VWA2: variants seen among roughly 807,000 people sequenced by gnomAD.
VWA2 encodes the protein von Willebrand factor A domain containing 2.
VWA2 carries 73 observed loss-of-function variants against 70.4 expected under a neutral mutation model. The ratio of observed to expected loss-of-function variants is 1.04; its 90% CI spans 0.86 to 1.26. The LOEUF (loss-of-function observed/expected upper bound fraction) is 1.26, where lower values mean the gene tolerates loss of function less well. VWA2 is among the 50% of genes most tolerant of loss of function. The pLI, the probability that VWA2 is intolerant of heterozygous loss-of-function variation, is 0.00. For synonymous variants in VWA2, 407 were observed against 423.3 expected (o/e 0.96, Z 0.47); for missense variants, 1,011 against 998.5 (o/e 1.01, Z -0.17).
rs2036935183 is a variant in VWA2, at chr10:114,239,467, G to A, written c.-113G>A. Reference sequence around the variant, plus strand: ...TGTCCCACGTGGCAGCCGCGCCCCGGGCGCCCCTCCTGTGATCCCGTAGCG... The same window carrying A: ...TGTCCCACGTGGCAGCCGCGCCCCGAGCGCCCCTCCTGTGATCCCGTAGCG... On this transcript the variant is annotated 5_prime_UTR_variant, in exon 1 of 14. Coordinates refer to ENST00000392982, the MANE Select transcript of VWA2 (RefSeq NM_001272046.2). 6.6e-6 allele frequency: 1 copy of A among 152,294 alleles called. No homozygotes were observed. The highest frequency in any genetic ancestry group is 1.5e-5 in the Non-Finnish European group (1 of 68,114). The allele number at this position is 152,294 out of a possible 1,614,324, so 9.4% of individuals were successfully genotyped here.
intron 1 of VWA2, among the ~76,000 whole-genome samples, chr10:114,241,027 A>C (rs2036966313): frequency 6.6e-6 from 1 of 152,210 alleles, no homozygotes; most frequent in African/African-American, 2.4e-5. Context: ...TCCGAATCAT[A>C]GTCAGAAGCC....
At chr10:114,277,480 C>T (rs7075077) in intron 6 of VWA2, among the ~76,000 whole-genome samples, 7 of 152,130 alleles carry the variant, frequency 4.6e-5, no homozygotes, top group Admixed American at 2.0e-4. Context: ...CCACACCCCC[C>T]CTCCGACTGT....
intron 5 of VWA2, among the ~76,000 whole-genome samples, chr10:114,271,532 T>C (rs1015020305): frequency 6.6e-6 from 1 of 151,652 alleles, no homozygotes; most frequent in Non-Finnish European, 1.5e-5. Context: ...GATTCCTGAG[T>C]AGCTGCTTGG....
intron 8 of VWA2, among the ~76,000 whole-genome samples, chr10:114,279,402 G>A (rs764791909): frequency 1.3e-5 from 2 of 149,394 alleles, no homozygotes; most frequent in Non-Finnish European, 3.0e-5. Flanking sequence ...ACCTCTGTCC[G>A]GAGACTGGTG....
Position 114,294,410 on chromosome 10 carries a change from C to T in VWA2, c.*3173C>T, listed in dbSNP as rs895909400. Among the ~76,000 whole-genome samples, 2 of 152,034 alleles carry T rather than the reference C, an allele frequency of 1.3e-5. No homozygotes were observed. The highest frequency in any genetic ancestry group is 1.3e-4 in the Admixed American group (2 of 15,264). On this transcript the variant is annotated 3_prime_UTR_variant, in exon 14 of 14. Transcript: ENST00000392982. ...ATTTCAGTTCTGCTATTTCATATTG[C>T]CTTAGGTTGTCTATTTGTCTCTTTA...
chr10:114,246,648 C>T (rs1367601159), intron 1 of VWA2: 1 of 1,549,486 alleles, frequency 6.5e-7, no homozygotes, highest in East Asian at 2.2e-5. Flanking sequence ...TTGAACACCC[C>T]TGGATCACAG....
chr10:114,280,345 C>A (rs1445596723), intron 8 of VWA2, among the ~76,000 whole-genome samples: 1 of 152,044 alleles, frequency 6.6e-6, no homozygotes, highest in Non-Finnish European at 1.5e-5. Flanking sequence ...TAATGGGAGG[C>A]AGTCATTCCA....
At chr10:114,240,910 G>C (rs3851557) in intron 1 of VWA2, among the ~76,000 whole-genome samples, 11,650 of 152,214 alleles carry the variant, frequency 0.077, 452 homozygotes, top group Non-Finnish European at 0.079. Flanking sequence ...CATCATCTCT[G>C]GCTGAAAACC....
chr10:114,242,268 A>G (rs896208305), intron 1 of VWA2, among the ~76,000 whole-genome samples: 8 of 152,148 alleles, frequency 5.3e-5, no homozygotes, highest in Non-Finnish European at 4.4e-5. Context: ...CAACCTTTCC[A>G]GGGAAATAGG....
At chr10:114,283,382 C>T (rs577240605) in intron 9 of VWA2, among the ~76,000 whole-genome samples, 7 of 152,070 alleles carry the variant, frequency 4.6e-5, no homozygotes, top group Admixed American at 2.6e-4. Flanking sequence ...GGCAGGGTAG[C>T]GAGCAGTTAG....
intron 5 of VWA2, among the ~76,000 whole-genome samples, chr10:114,271,758 G>A (rs1277906537): frequency 6.6e-6 from 1 of 152,204 alleles, no homozygotes; most frequent in East Asian, 1.9e-4. Flanking sequence ...TACAATCTGA[G>A]TGTAAATGTG....
chr10:114,291,101 T>G, intron 13 of VWA2, 117 bp from the exon 14 acceptor site: 1 of 1,211,892 alleles, frequency 8.3e-7, no homozygotes, highest in Non-Finnish European at 1.2e-6. Flanking sequence ...CATCTTCTGC[T>G]GGGGGCGAGG....
At chr10:114,242,485 A>C (rs1386783821) in intron 1 of VWA2, among the ~76,000 whole-genome samples, 1 of 151,382 alleles carries the variant, frequency 6.6e-6, no homozygotes, top group Non-Finnish European at 1.5e-5. Flanking sequence ...GTGCCTCTGC[A>C]TACCGCAGTG....
intron 1 of VWA2, 51 bp from the exon 2 acceptor site, chr10:114,248,653 G>A (rs780969275): frequency 5.4e-5 from 82 of 1,522,362 alleles, no homozygotes; most frequent in African/African-American, 3.6e-4. Context: ...GACTTGGGGC[G>A]TTCACAGAAC....
chr10:114,284,819 T>C, intron 9 of VWA2, 44 bp from the exon 10 acceptor site: 1 of 1,550,824 alleles, frequency 6.4e-7, no homozygotes, highest in Non-Finnish European at 8.7e-7. Flanking sequence ...TCTCCACTCC[T>C]CTGTGCTGCG....
intron 12 of VWA2, chr10:114,289,838 G>A (rs2039379801): frequency 2.7e-6 from 1 of 371,800 alleles, no homozygotes; most frequent in South Asian, 2.9e-5. Context: ...AGAGCCCAGA[G>A]CAAACAGGGC....
chr10:114,291,437 C>T lies in VWA2; in HGVS notation c.*200C>T. ...CAACTGCAGCCATGCTGCTTAGAGA[C>T]AAGAAAGCAGCTGATGTCACCCACA... On this transcript the variant is annotated 3_prime_UTR_variant, in exon 14 of 14. Transcript: ENST00000392982. 1.6e-6 allele frequency: 1 copy of T among 611,306 alleles called. No individual in the cohort carries two copies. Among genetic ancestry groups the T allele is most frequent in the South Asian group, 2.2e-5 (1 of 45,050 alleles). 37.9% of individuals were successfully genotyped at this position (611,306 alleles called of 1,614,324 possible). A position where few individuals can be genotyped will look rare whatever the true frequency, so the allele number is the denominator to read the frequency against.
chr10:114,249,511 C>T (rs181683091), intron 2 of VWA2, among the ~76,000 whole-genome samples: 1 of 152,158 alleles, frequency 6.6e-6, no homozygotes, highest in African/African-American at 2.4e-5. Flanking sequence ...CCGTCTTGGC[C>T]TCCCAAAGTG....
chr10:114,284,637 T>C (rs1352988681), intron 9 of VWA2, among the ~76,000 whole-genome samples: 2 of 152,210 alleles, frequency 1.3e-5, no homozygotes, highest in African/African-American at 4.8e-5. Flanking sequence ...CACAGGGCCT[T>C]ACCAAGCCTG....
Sources: allele counts gnomAD v4.1 joint callset (sites outside exome capture counted in the v4.1 genomes callset), GRCh38; gene constraint gnomAD v4.1.1; transcripts MANE v1.5; gene names NCBI Gene and HGNC (gene_info 2026-07-23, HGNC 2026-07-21).